Variants in SEMA6D observed in about 807,000 individuals in gnomAD.
SEMA6D encodes the protein semaphorin-6D.
A neutral mutation model predicts 106.6 loss-of-function variants in SEMA6D; 35 were observed. The ratio of observed to expected loss-of-function variants is 0.33; its 90% CI spans 0.25 to 0.44. The LOEUF (loss-of-function observed/expected upper bound fraction) is 0.44. Ranked by LOEUF, SEMA6D falls within the 20% of genes least tolerant of loss-of-function variation. SEMA6D has a pLI of 1.00. For missense variants in SEMA6D, 1,185 were observed against 1,345.9 expected (o/e 0.88, Z 1.87); for synonymous variants, 499 against 487.7 (o/e 1.02, Z -0.31).
intron 4 of SEMA6D, among the ~76,000 whole-genome samples, chr15:47,627,392 T>A (rs956810679): frequency 6.6e-6 from 1 of 152,142 alleles, no homozygotes; most frequent in Admixed American, 6.6e-5. Flanking sequence ...AGTTGATTAA[T>A]TTTTTTAGTT....
intron 3 of SEMA6D, among the ~76,000 whole-genome samples, chr15:47,564,913 G>A (rs1432072426): frequency 2.6e-5 from 4 of 152,176 alleles, no homozygotes; most frequent in Non-Finnish European, 4.4e-5. Flanking sequence ...CAGAGGGACA[G>A]CTTGACAGTG....
intron 4 of SEMA6D, among the ~76,000 whole-genome samples, chr15:47,652,480 C>T (rs941059529): frequency 3.9e-5 from 6 of 152,242 alleles, no homozygotes; most frequent in Non-Finnish European, 7.4e-5. Flanking sequence ...CTGCCCGCTC[C>T]GCTCCCCTTC....
intron 2 of SEMA6D, among the ~76,000 whole-genome samples, chr15:47,465,679 C>T (rs953824711): frequency 6.6e-6 from 1 of 152,086 alleles, no homozygotes; most frequent in African/African-American, 2.4e-5. Flanking sequence ...CTCTCTCTTC[C>T]TCCTTCTCCT....
rs561346153 is a variant in SEMA6D at position 47,597,654 on chromosome 15, G to A, written c.-86-3211G>A. Among the ~76,000 whole-genome samples the A allele has an allele frequency of 6.6e-5, 10 of 151,952 alleles. No homozygotes were observed. In the South Asian group the frequency reaches 8.3e-4, roughly 13 times the overall value. On this transcript the variant is annotated intron_variant, in intron 3 of 19. Transcript: ENST00000558014. ...TTACATGTTCTCACTTATATATGGA[G>A]TCTAAAATAATAAAACTCATAGAAG...
chr15:47,525,071 C>T (rs1361953312), intron 3 of SEMA6D: 1 of 152,154 alleles, frequency 6.6e-6, no homozygotes, highest in Non-Finnish European at 1.5e-5. Context: ...TTTCTCTGCC[C>T]ACTTCAGGGT....
At chr15:47,485,575 A>G (rs1237120028) in intron 3 of SEMA6D, among the ~76,000 whole-genome samples, 2 of 152,204 alleles carry the variant, frequency 1.3e-5, no homozygotes, top group Non-Finnish European at 2.9e-5. Flanking sequence ...GGCAGGCTCC[A>G]TTATATTATA....
chr15:47,701,165 G>C (rs1596679090), intron 4 of SEMA6D, among the ~76,000 whole-genome samples: 1 of 152,266 alleles, frequency 6.6e-6, no homozygotes, highest in East Asian at 1.9e-4. Context: ...ATAAACCAAG[G>C]ATTGGGAAAA....
chr15:47,724,652 G>T (rs372249360), intron 1 of SEMA6D, among the ~76,000 whole-genome samples: 237 of 152,120 alleles, frequency 1.6e-3, no homozygotes, highest in African/African-American at 5.4e-3. Flanking sequence ...TGGGGTGGGG[G>T]TGAGGGTCTA....
At chr15:47,602,847 A>G (rs1034055734) in intron 4 of SEMA6D, among the ~76,000 whole-genome samples, 6 of 152,056 alleles carry the variant, frequency 3.9e-5, no homozygotes, top group Non-Finnish European at 7.4e-5. Flanking sequence ...AACTCTTGCA[A>G]TGGTTTGTAC....
At chr15:47,298,699 C>T (rs7182003) in intron 1 of SEMA6D, among the ~76,000 whole-genome samples, 131,157 of 152,086 alleles carry the variant, frequency 0.86, 58,451 homozygotes, top group East Asian at 0.99. Context: ...TATTAAGCCT[C>T]GGTCTCTTGT....
chr15:47,649,610 G>A (rs540716094), intron 4 of SEMA6D, among the ~76,000 whole-genome samples: 132 of 152,278 alleles, frequency 8.7e-4, no homozygotes, highest in African/African-American at 3.0e-3. Context: ...CCTGTGACTA[G>A]TCACTGTACT....
intron 2 of SEMA6D, among the ~76,000 whole-genome samples, chr15:47,415,599 AC>A (rs2040939770): frequency 6.6e-6 from 1 of 151,930 alleles, no homozygotes; most frequent in Admixed American, 6.6e-5. Context: ...TTAGCTATTG[AC>A]CCACAGCCCT....
At chr15:47,455,054 T>A (rs2042306644) in intron 2 of SEMA6D, among the ~76,000 whole-genome samples, 1 of 151,924 alleles carries the variant, frequency 6.6e-6, no homozygotes, top group South Asian at 2.1e-4. Flanking sequence ...TAGCACATGG[T>A]AAGCACTCAA....
chr15:47,561,649 T>C (rs895382249), intron 3 of SEMA6D, among the ~76,000 whole-genome samples: 13 of 146,440 alleles, frequency 8.9e-5, no homozygotes, highest in Non-Finnish European at 1.9e-4. Flanking sequence ...TGTTTTTCAA[T>C]TTTTTAAGGG....
At chr15:47,331,757 T>C (rs1380091679) in intron 1 of SEMA6D, among the ~76,000 whole-genome samples, 1 of 152,134 alleles carries the variant, frequency 6.6e-6, no homozygotes, top group Non-Finnish European at 1.5e-5. Flanking sequence ...GACTGAGGGG[T>C]AAATATAAAC....
chr15:47,300,456 C>T (rs886288218), intron 1 of SEMA6D, among the ~76,000 whole-genome samples: 9 of 151,864 alleles, frequency 5.9e-5, no homozygotes, highest in East Asian at 1.9e-4. Context: ...GGGGGAGGCA[C>T]GATCATAAAT....
At chr15:47,191,725 TGGG>T (rs1223004487) in intron 1 of SEMA6D, among the ~76,000 whole-genome samples, 1 of 151,092 alleles carries the variant, frequency 6.6e-6, no homozygotes, top group Admixed American at 6.6e-5. Flanking sequence ...TACAGGATGT[TGGG>T]GGAGCTATAA....
chr15:47,424,363 A>G (rs566186188), intron 2 of SEMA6D, among the ~76,000 whole-genome samples: 8 of 152,234 alleles, frequency 5.3e-5, no homozygotes, highest in African/African-American at 1.9e-4. Flanking sequence ...AAAAAAGAAA[A>G]TTAGTTTTGA....
chr15:47,702,538 A>G (rs2078832951), intron 4 of SEMA6D, among the ~76,000 whole-genome samples: 1 of 152,242 alleles, frequency 6.6e-6, no homozygotes, highest in South Asian at 2.1e-4. Flanking sequence ...GAGGAGCTGA[A>G]AACTTATGTC....
Sources: gnomAD v4.1 joint callset for allele counts (sites outside exome capture counted in the v4.1 genomes callset) on GRCh38, gnomAD v4.1.1 for gene constraint, MANE v1.5 for transcripts, NCBI Gene and HGNC (gene_info 2026-07-23, HGNC 2026-07-21) for gene names.